The following LRRC8D variants were observed in gnomAD, a reference collection of about 807,000 sequenced individuals.
LRRC8D encodes the protein leucine rich repeat containing 8 VRAC subunit D, also known as volume-regulated anion channel subunit LRRC8D.
LRRC8D carries 20 observed loss-of-function variants against 55.8 expected under a neutral mutation model. That is an observed-to-expected ratio of 0.36 (90% CI 0.25 to 0.52). The LOEUF (loss-of-function observed/expected upper bound fraction) is 0.52. LRRC8D is among the 20% of genes least tolerant of loss of function. LRRC8D has a pLI of 0.93. For missense variants in LRRC8D, 651 were observed against 1,030.8 expected, an observed-to-expected ratio of 0.63 and a Z score of 5.05; for synonymous variants, 352 against 377.0, an observed-to-expected ratio of 0.93 and a Z score of 0.77.
chr1:89,833,417 A>G (rs995149033), intron 1 of LRRC8D, among the ~76,000 whole-genome samples: 5 of 152,240 alleles, frequency 3.3e-5, no homozygotes, highest in African/African-American at 1.2e-4. Flanking sequence ...TTTTAACAGC[A>G]CAAAACCCAT....
chr1:89,891,212 G>A (rs368984791), intron 2 of LRRC8D, among the ~76,000 whole-genome samples: 438 of 152,230 alleles, frequency 2.9e-3, no homozygotes, highest in Non-Finnish European at 3.9e-3. Context: ...TCAACACTTT[G>A]GAAGCATACT....
At chr1:89,925,273 A>C (rs1364768123) in intron 2 of LRRC8D, among the ~76,000 whole-genome samples, 1 of 151,784 alleles carries the variant, frequency 6.6e-6, no homozygotes, top group African/African-American at 2.4e-5. Flanking sequence ...GTCTTCCATC[A>C]CTCCCAGATG....
chr1:89,904,471 T>C (rs1398452421), intron 2 of LRRC8D, among the ~76,000 whole-genome samples: 1 of 152,234 alleles, frequency 6.6e-6, no homozygotes, highest in Non-Finnish European at 1.5e-5. Context: ...AATGAGTTCA[T>C]TCACTTTTCT....
intron 2 of LRRC8D, among the ~76,000 whole-genome samples, chr1:89,890,181 C>G (rs1557469742): frequency 6.6e-6 from 1 of 151,392 alleles, no homozygotes; most frequent in African/African-American, 2.5e-5. Flanking sequence ...GAGCAAGACT[C>G]TGTCTCAATA....
chr1:89,877,540 C>G (rs550973818), intron 2 of LRRC8D, among the ~76,000 whole-genome samples: 1 of 152,098 alleles, frequency 6.6e-6, no homozygotes, highest in Non-Finnish European at 1.5e-5. Flanking sequence ...TGCCCCACTC[C>G]CCCTTTTCTG....
rs1309550136 is a variant in LRRC8D at position 89,908,109 on chromosome 1, G to A, written c.-2-24958G>A. Among the ~76,000 whole-genome samples, 4 of 152,124 alleles carry A rather than the reference G, an allele frequency of 2.6e-5. No individual in the cohort carries two copies. The East Asian group carries it at 7.7e-4, about 29-fold the overall frequency. On this transcript the variant is annotated intron_variant, in intron 2 of 2. Transcript: ENST00000337338. ...ATAAAACATTCATAATAGTGATGAT[G>A]ATGATGATGATGATGTCATTACCAC...
At chr1:89,857,961 G>T (rs1006040986) in intron 2 of LRRC8D, among the ~76,000 whole-genome samples, 9 of 152,204 alleles carry the variant, frequency 5.9e-5, no homozygotes, top group African/African-American at 9.6e-5. Context: ...AGGCAAGGTG[G>T]CACACGCCTG....
chr1:89,919,275 A>G (rs1209722376), intron 2 of LRRC8D, among the ~76,000 whole-genome samples: 1 of 152,216 alleles, frequency 6.6e-6, no homozygotes, highest in African/African-American at 2.4e-5. Context: ...AGAGCAAGAT[A>G]CTCAGGTTCT....
intron 2 of LRRC8D, among the ~76,000 whole-genome samples, chr1:89,904,892 G>A (rs142049324): frequency 3.2e-4 from 48 of 152,150 alleles, no homozygotes; most frequent in African/African-American, 9.9e-4. Context: ...AATGTTGACC[G>A]CGTTAAAGTC....
At chr1:89,846,560 A>T (rs1001867200) in intron 2 of LRRC8D, 1 of 152,176 alleles carries the variant, frequency 6.6e-6, no homozygotes, top group South Asian at 2.1e-4. Context: ...GTGCTGATTC[A>T]GGTGGTCCTT....
intron 2 of LRRC8D, among the ~76,000 whole-genome samples, chr1:89,877,806 A>G (rs994035897): frequency 6.6e-6 from 1 of 152,258 alleles, no homozygotes; most frequent in African/African-American, 2.4e-5. Context: ...AAAATAAACT[A>G]GGCATTTTTA....
chr1:89,886,629 A>G (rs1332290234), intron 2 of LRRC8D, among the ~76,000 whole-genome samples: 1 of 152,228 alleles, frequency 6.6e-6, no homozygotes, highest in Non-Finnish European at 1.5e-5. Flanking sequence ...CTCAAAACAT[A>G]TGGTGTATTC....
At chr1:89,917,273 A>T (rs143303810) in intron 2 of LRRC8D, among the ~76,000 whole-genome samples, 2 of 152,204 alleles carry the variant, frequency 1.3e-5, no homozygotes, top group East Asian at 3.9e-4. Context: ...CTACCTACAT[A>T]TATCCTTTGC....
At chr1:89,860,507 C>A (rs1661674230) in intron 2 of LRRC8D, among the ~76,000 whole-genome samples, 1 of 151,722 alleles carries the variant, frequency 6.6e-6, no homozygotes, top group African/African-American at 2.4e-5. Flanking sequence ...CGCCTGTAAT[C>A]CTAGCACTTT....
At chr1:89,893,867 A>G (rs571749645) in intron 2 of LRRC8D, among the ~76,000 whole-genome samples, 26 of 152,194 alleles carry the variant, frequency 1.7e-4, no homozygotes, top group Non-Finnish European at 2.9e-4. Flanking sequence ...GTATTTGCAG[A>G]TAATTGGTGA....
At chr1:89,821,762 T>C (rs2100680042) in intron 1 of LRRC8D, among the ~76,000 whole-genome samples, 2 of 151,916 alleles carry the variant, frequency 1.3e-5, no homozygotes, top group South Asian at 4.2e-4. Context: ...TCGCCTCCCC[T>C]CCGCTTCCTT....
At chr1:89,827,036 A>G (rs1370637053) in intron 1 of LRRC8D, among the ~76,000 whole-genome samples, 4 of 152,194 alleles carry the variant, frequency 2.6e-5, no homozygotes, top group Admixed American at 6.5e-5. Context: ...AACAAAAACC[A>G]TGAAATGCTA....
intron 1 of LRRC8D, among the ~76,000 whole-genome samples, chr1:89,829,268 A>G (rs12122870): frequency 0.2 from 30,228 of 152,220 alleles, 3,908 homozygotes; most frequent in Middle Eastern, 0.36. Context: ...AATAACAGCT[A>G]TTAGGCACTT....
chr1:89,890,082 G>A (rs2100874670), intron 2 of LRRC8D, among the ~76,000 whole-genome samples: 1 of 152,316 alleles, frequency 6.6e-6, no homozygotes, highest in South Asian at 2.1e-4. Flanking sequence ...AGCTACTTGG[G>A]AGGCTGAGGC....
Sources: allele counts gnomAD v4.1 joint callset (sites outside exome capture counted in the v4.1 genomes callset), GRCh38; gene constraint gnomAD v4.1.1; transcripts MANE v1.5; gene names NCBI Gene and HGNC (gene_info 2026-07-23, HGNC 2026-07-21).